The following SUMO2 variants were observed in gnomAD, a reference collection of about 807,000 sequenced individuals.
SUMO2 encodes the protein small ubiquitin-related modifier 2.
In SUMO2, 1 loss-of-function variant was observed where a neutral mutation model predicts 16.0. That is an observed-to-expected ratio of 0.06 (90% CI 0.02 to 0.30). The LOEUF (loss-of-function observed/expected upper bound fraction) is 0.30. Ranked by LOEUF, SUMO2 falls within the 10% of genes least tolerant of loss-of-function variation. SUMO2 has a pLI of 1.00. For missense variants in SUMO2, 16 were observed against 117.5 expected, an observed-to-expected ratio of 0.14 and a Z score of 3.99; for synonymous variants, 36 against 40.6, an observed-to-expected ratio of 0.89 and a Z score of 0.43.
At chr17:75,180,408 A>AAAAC (rs2074818749) in intron 2 of SUMO2, among the ~76,000 whole-genome samples, 1 of 144,792 alleles carries the variant, frequency 6.9e-6, no homozygotes, top group Non-Finnish European at 1.5e-5. Context: ...AAAAAAAAAA[A>AAAAC]AAAAAAAAAA....
intron 3 of SUMO2, among the ~76,000 whole-genome samples, chr17:75,172,389 TGCTGACTTTAATCTCC>T (rs2074748213): frequency 1.3e-5 from 2 of 150,406 alleles, no homozygotes; most frequent in Non-Finnish European, 3.0e-5. Flanking sequence ...GCACTATCTC[TGCTGACTTTAATCTCC>T]GCCTCTCGGG....
rs1479925997 is a variant in SUMO2 at position 75,182,921 on chromosome 17, G to A, written c.-87C>T. 1.7e-5 allele frequency: 20 copies of A among 1,159,966 alleles called. 1 individual carries two copies. The highest frequency in any genetic ancestry group is 6.7e-5 in the South Asian group (2 of 29,802). 71.9% of individuals were successfully genotyped at this position (1,159,966 alleles called of 1,614,324 possible). On this transcript the variant is annotated 5_prime_UTR_variant, in exon 1 of 4. Transcript: ENST00000420826. ...CGAGCACACAAGCAGCACCAGGAGC[G>A]GCAGAAGAAGGAGGCGGCAGCGGTG...
chr17:75,173,620 ACGTACCACTGCTC>A (rs2074759401), intron 3 of SUMO2, among the ~76,000 whole-genome samples: 1 of 151,920 alleles, frequency 6.6e-6, no homozygotes, highest in South Asian at 2.1e-4. Context: ...TACTACAGGC[ACGTACCACTGCTC>A]CCTGGCTAAT....
rs548721632 is a variant in SUMO2 at position 75,166,903 on chromosome 17, A to G, written c.*1436T>C. 3.3e-5 allele frequency: 5 copies of G among 152,176 alleles called. No homozygotes were observed. The highest frequency in any genetic ancestry group is 9.6e-5 in the African/African-American group (4 of 41,502). The allele number at this position is 152,176 out of a possible 1,614,324, so 9.4% of individuals were successfully genotyped here. On this transcript the variant is annotated 3_prime_UTR_variant, in exon 4 of 4. Transcript: ENST00000420826. ...AGCCTGGGAGACGGAATGATGCTCC[A>G]TCTCAAAAAACCACCACCAAAAGAA...
intron 1 of SUMO2, 118 bp downstream of exon 1, chr17:75,182,696 C>T: frequency 1.1e-6 from 1 of 871,486 alleles, no homozygotes. Flanking sequence ...TGAGCCGCGG[C>T]CGGCCCCGTG....
chr17:75,177,001 G>C (rs1395775284), intron 2 of SUMO2, among the ~76,000 whole-genome samples: 2 of 151,726 alleles, frequency 1.3e-5, no homozygotes, highest in Admixed American at 1.3e-4. Context: ...TGTCCAACAT[G>C]GTGAAACCCC....
At position 75,182,885 on chromosome 17, in the gene SUMO2, T is replaced by A. The variant is rs544001336; in HGVS notation, c.-51A>T. 2.6e-5 allele frequency: 35 copies of A among 1,337,922 alleles called. No homozygotes were observed. The highest frequency in any genetic ancestry group is 3.3e-5 in the Non-Finnish European group (34 of 1,035,850). The allele number at this position is 1,337,922 out of a possible 1,614,324, so 82.9% of individuals were successfully genotyped here. ...GCCGCTTCACAAAAGAGGTACCAGG[T>A]CCGCACCAAACGAGCACACAAGCAG... On this transcript the variant is annotated 5_prime_UTR_variant, in exon 1 of 4. Coordinates refer to ENST00000420826, the MANE Select transcript of SUMO2 (RefSeq NM_006937.4).
At chr17:75,175,599 C>A (rs1361372635) in intron 2 of SUMO2, among the ~76,000 whole-genome samples, 6 of 151,516 alleles carry the variant, frequency 4.0e-5, no homozygotes, top group Non-Finnish European at 5.9e-5. Context: ...GGATTACAGG[C>A]ATAAGACACT....
intron 3 of SUMO2, among the ~76,000 whole-genome samples, chr17:75,171,310 C>T (rs540974408): frequency 9.4e-4 from 142 of 150,746 alleles, no homozygotes; most frequent in African/African-American, 3.3e-3. Context: ...GTACTGACTC[C>T]GTCAATACAG....
intron 2 of SUMO2, among the ~76,000 whole-genome samples, chr17:75,175,143 C>T (rs1177389894): frequency 2.6e-5 from 4 of 151,592 alleles, no homozygotes; most frequent in Non-Finnish European, 5.9e-5. Context: ...CCACAACAAC[C>T]GGCTAATTTT....
intron 3 of SUMO2, among the ~76,000 whole-genome samples, chr17:75,172,836 G>T (rs1330816598): frequency 6.6e-6 from 1 of 151,778 alleles, no homozygotes; most frequent in Non-Finnish European, 1.5e-5. Flanking sequence ...GTCCAGGCTG[G>T]TCTCAAACTC....
rs533337841 is a variant in SUMO2, at chr17:75,167,152, G to A, written c.*1187C>T. On this transcript the variant is annotated 3_prime_UTR_variant, in exon 4 of 4. Coordinates refer to ENST00000420826, the MANE Select transcript of SUMO2 (RefSeq NM_006937.4). The stretch of plus-strand genomic sequence containing the variant: ...GGCATACGTGATAAAACCCTGTCTC[G>A]ACTAAAAATAGAAAAAAAATTAGCT... 6.8e-5 allele frequency: 10 copies of A among 146,182 alleles called. 1 individual carries two copies. In the South Asian group the frequency reaches 2.2e-3, roughly 32 times the overall value. The allele number at this position is 146,182 out of a possible 1,614,324, so 9.1% of individuals were successfully genotyped here.
rs762248413 is a variant in SUMO2, at chr17:75,182,843, C to G, written c.-9G>C. 1.4e-6 allele frequency: 2 copies of G among 1,408,878 alleles called. No homozygotes were observed. Among genetic ancestry groups the G allele is most frequent in the African/African-American group, 3.0e-5 (2 of 67,328 alleles). 87.3% of individuals were successfully genotyped at this position (1,408,878 alleles called of 1,614,324 possible). A position where few individuals can be genotyped will look rare whatever the true frequency, so the allele number is the denominator to read the frequency against. ...GGCTTTTCGTCGGCCATGGCGAGCG[C>G]CGGAGTCTCCTCAGCTGCCGCTTCA... On this transcript the variant is annotated 5_prime_UTR_variant, in exon 1 of 4. Transcript: ENST00000420826.
chr17:75,181,233 C>T (rs1458741505), intron 1 of SUMO2, 45 bp from the exon 2 acceptor site: 2 of 1,601,114 alleles, frequency 1.2e-6, no homozygotes, highest in Non-Finnish European at 1.7e-6. Flanking sequence ...ATGTGATCAA[C>T]GAACACGTTT....
At chr17:75,174,853 C>G (rs560447640) in intron 2 of SUMO2, 30 bp from the exon 3 acceptor site, 2 of 1,588,052 alleles carry the variant, frequency 1.3e-6, no homozygotes, top group Non-Finnish European at 1.7e-6. Context: ...CAATAAACAG[C>G]ATTAAGAGAA....
At chr17:75,176,145 C>T (rs909993367) in intron 2 of SUMO2, among the ~76,000 whole-genome samples, 1 of 150,728 alleles carries the variant, frequency 6.6e-6, no homozygotes, top group African/African-American at 2.4e-5. Flanking sequence ...GTTCAAGTGA[C>T]TTTCCTGCCT....
chr17:75,182,861 C>T lies in SUMO2; in HGVS notation c.-27G>A, dbSNP rs773827646. 1 of 1,394,732 alleles carries T rather than the reference C, an allele frequency of 7.2e-7. No individual in the cohort carries two copies. The highest frequency in any genetic ancestry group is 1.5e-5 in the African/African-American group (1 of 67,164). 86.4% of individuals were successfully genotyped at this position (1,394,732 alleles called of 1,614,324 possible). A position where few individuals can be genotyped will look rare whatever the true frequency, so the allele number is the denominator to read the frequency against. On this transcript the variant is annotated 5_prime_UTR_variant, in exon 1 of 4. Transcript: ENST00000420826. ...GCGAGCGCCGGAGTCTCCTCAGCTG[C>T]CGCTTCACAAAAGAGGTACCAGGTC... is the stretch of plus-strand genomic sequence containing the variant.
intron 1 of SUMO2, among the ~76,000 whole-genome samples, chr17:75,181,660 A>C (rs2074829928): frequency 6.6e-6 from 1 of 152,210 alleles, no homozygotes; most frequent in Non-Finnish European, 1.5e-5. Flanking sequence ...AACTCAGTTT[A>C]ATAACCTAAA....
At chr17:75,177,971 A>AAAGCG (rs1451389744) in intron 2 of SUMO2, among the ~76,000 whole-genome samples, 2 of 140,456 alleles carry the variant, frequency 1.4e-5, no homozygotes, top group African/African-American at 5.4e-5. Context: ...TCTGACCGAC[A>AAAGCG]AAGCGAGACT....
Sources: allele counts gnomAD v4.1 joint callset (sites outside exome capture counted in the v4.1 genomes callset), GRCh38; gene constraint gnomAD v4.1.1; transcripts MANE v1.5; gene names NCBI Gene and HGNC (gene_info 2026-07-23, HGNC 2026-07-21).